The following PXDN variants were observed in gnomAD, a reference collection of about 807,000 sequenced individuals.
PXDN encodes the protein peroxidasin, also known as peroxidasin homolog.
Under a neutral mutation model 140.3 loss-of-function variants are expected in PXDN, and 77 were observed. The ratio of observed to expected loss-of-function variants is 0.55; its 90% CI spans 0.46 to 0.66. The LOEUF (loss-of-function observed/expected upper bound fraction) is 0.66, where lower values mean the gene tolerates loss of function less well. Among genes scored for constraint, PXDN ranks in the 30% least tolerant of loss-of-function variants. The pLI is 0.00. For synonymous variants in PXDN, 911 were observed against 857.4 expected, an observed-to-expected ratio of 1.06 and a Z score of -1.09; for missense variants, 1,838 against 2,039.5, an observed-to-expected ratio of 0.90 and a Z score of 1.90.
In PXDN at chr2:1,649,723, T is replaced by G. The variant is rs764042026; in HGVS notation, c.2105-48A>C. 17 of 1,598,768 alleles carry G rather than the reference T, an allele frequency of 1.1e-5. No individual in the cohort carries two copies. The highest frequency in any genetic ancestry group is 1.4e-5 in the Non-Finnish European group (16 of 1,167,420). ...ACGCACTCAATTCCCCTGGAGGATG[T>G]GTGAGGGCCCGGTACCCCTTGGCAC... On this transcript the variant is annotated intron_variant, in intron 16 of 22. Coordinates refer to ENST00000252804, the MANE Select transcript of PXDN (RefSeq NM_012293.3). The surrounding 1 kb of genome is among the most constrained non-coding windows in gnomAD (Gnocchi z 7.1).
chr2:1,653,177 G>A (rs1172703397), intron 16 of PXDN: 1 of 284,484 alleles, frequency 3.5e-6, no homozygotes, highest in African/African-American at 2.2e-5. Flanking sequence ...CCAGCCCGAG[G>A]TGATCTCATC....
At chr2:1,742,244 G>C (rs1167644908) in intron 1 of PXDN, among the ~76,000 whole-genome samples, 2 of 152,224 alleles carry the variant, frequency 1.3e-5, no homozygotes, top group Admixed American at 1.3e-4. Flanking sequence ...CTCCAGTAAA[G>C]TGTTTAGTTC....
At position 1,639,743 on chromosome 2, in the gene PXDN, G is replaced by A. The variant is rs114971405; in HGVS notation, c.3953-321C>T. On this transcript the variant is annotated intron_variant, in intron 19 of 22. Transcript: ENST00000252804. The surrounding 1 kb of genome is among the most constrained non-coding windows in gnomAD (Gnocchi z 5.0). Reference sequence around the variant, plus strand: ...CCCTCCACCCACAGATGGAGGCTCAGGCACTCTGCCTCGGAGATCAGAGTC... The same window carrying A: ...CCCTCCACCCACAGATGGAGGCTCAAGCACTCTGCCTCGGAGATCAGAGTC... Among the ~76,000 whole-genome samples, 1,864 of 152,322 alleles carry A rather than the reference G, an allele frequency of 0.012. 32 individuals carry two copies. Among genetic ancestry groups the A allele is most frequent in the African/African-American group, 0.043 (1,772 of 41,566 alleles).
chr2:1,664,035 CG>C, intron 11 of PXDN: 1 of 424,528 alleles, frequency 2.4e-6, no homozygotes, highest in South Asian at 3.7e-5. Context: ...CATGGGGACT[CG>C]GGGAGTCAGA....
rs1489461520 is a variant in PXDN at position 1,632,971 on chromosome 2, C to T, written c.*1233G>A. ...GAAAGGTTGCTCAGAACACAGATCGCTTTGTATTTAGAGAAAAATGGAAGG... is the reference window on the plus strand; with the variant it reads ...GAAAGGTTGCTCAGAACACAGATCGTTTTGTATTTAGAGAAAAATGGAAGG... On this transcript the variant is annotated 3_prime_UTR_variant, in exon 23 of 23. Transcript: ENST00000252804. The surrounding 1 kb of genome is among the most constrained non-coding windows in gnomAD (Gnocchi z 4.3). The T allele has an allele frequency of 6.6e-6, 1 of 152,516 alleles. No individual in the cohort carries two copies. Among genetic ancestry groups the T allele is most frequent in the African/African-American group, 2.4e-5 (1 of 41,422 alleles). 9.4% of individuals were successfully genotyped at this position (152,516 alleles called of 1,614,324 possible).
chr2:1,741,369 G>A (rs1685539288), intron 1 of PXDN, among the ~76,000 whole-genome samples: 1 of 152,194 alleles, frequency 6.6e-6, no homozygotes, highest in African/African-American at 2.4e-5. Context: ...GGCCTCCAGA[G>A]GGGAGGCGCT....
At chr2:1,726,862 T>G (rs988051611) in intron 1 of PXDN, among the ~76,000 whole-genome samples, 4 of 152,194 alleles carry the variant, frequency 2.6e-5, no homozygotes, top group Non-Finnish European at 5.9e-5. Context: ...TCCGTAATTC[T>G]TAGCAAAGAC....
chr2:1,648,986 G>A lies in PXDN; in HGVS notation c.2794C>T (p.His932Tyr), dbSNP rs1400012818. 6.2e-7 allele frequency: 1 copy of A among 1,611,004 alleles called. No homozygotes were observed. Among genetic ancestry groups the A allele is most frequent in the Admixed American group, 1.7e-5 (1 of 59,938 alleles). The change falls in exon 17 of 23, where the codon CAC becomes TAC. Residue 932 changes from histidine (H) to tyrosine (Y), a missense_variant. Transcript: ENST00000252804. The surrounding 1 kb of genome is among the most constrained non-coding windows in gnomAD (Gnocchi z 8.9). ...EARSIRDLAS[H>Y]RGLLRQGIVQ... ...ATGCCCTGCCGCAGCAGGCCGCGGT[G>A]GCTGGCCAGGTCGCGGATGCTGCGG...
chr2:1,683,701 T>C lies in PXDN; in HGVS notation c.515A>G (p.His172Arg). The C allele has an allele frequency of 1.2e-6, 2 of 1,607,154 alleles. No individual in the cohort carries two copies. Among genetic ancestry groups the C allele is most frequent in the Non-Finnish European group, 1.7e-6 (2 of 1,177,786 alleles). The change falls in exon 6 of 23, where the codon CAT (histidine) becomes CGT (arginine). Residue 172 changes from histidine (H) to arginine (R), a missense_variant. His to Arg is a conservative substitution (Grantham distance 29). Coordinates refer to ENST00000252804, the MANE Select transcript of PXDN (RefSeq NM_012293.3). ...GTGATTAAATGTCCCTGGAACTAAA[T>C]GTGTAATCCGGTTGTTATGCAAAAA... ...RLFLHNNRITHLVPGTFNHLE... is the reference protein window; with the variant it reads ...RLFLHNNRITRLVPGTFNHLE...
intron 9 of PXDN, among the ~76,000 whole-genome samples, chr2:1,670,809 C>T (rs1051678860): frequency 1.3e-5 from 2 of 152,212 alleles, no homozygotes; most frequent in African/African-American, 4.8e-5. Context: ...CCCCACAGTG[C>T]TGTGCCCTCG....
Position 1,643,501 on chromosome 2 carries a change from G to A in PXDN, c.3819C>T (p.Ile1273=). Residue 1273 remains isoleucine, a synonymous_variant, in exon 19 of 23, where the codon ATC becomes ATT. Transcript: ENST00000252804. ...TQIKQTSLAR[I]LCDNADNITR... ...TGATGTTGTCCGCGTTGTCGCATAG[G>A]ATCCTGGCCAGCGACGTCTGCTTGA... 1.2e-6 allele frequency: 2 copies of A among 1,613,972 alleles called. No individual in the cohort carries two copies. Among genetic ancestry groups the A allele is most frequent in the Non-Finnish European group, 1.7e-6 (2 of 1,179,902 alleles).
chr2:1,674,857 C>T (rs1683659431), intron 8 of PXDN, among the ~76,000 whole-genome samples: 2 of 152,130 alleles, frequency 1.3e-5, no homozygotes, highest in African/African-American at 4.8e-5. Context: ...AGATTCATCA[C>T]CTTCCACGCG....
intron 1 of PXDN, among the ~76,000 whole-genome samples, chr2:1,698,696 C>T (rs890287930): frequency 5.3e-5 from 8 of 152,106 alleles, no homozygotes; most frequent in African/African-American, 1.4e-4. Flanking sequence ...GTTAATCCTC[C>T]CTGGTAGAAT....
chr2:1,689,107 G>C (rs1228495102), intron 3 of PXDN, among the ~76,000 whole-genome samples: 1 of 151,956 alleles, frequency 6.6e-6, no homozygotes, highest in African/African-American at 2.4e-5. Context: ...TACTTCTCTA[G>C]GCCGCATACG....
Position 1,649,565 on chromosome 2 carries a change from G to T in PXDN, c.2215C>A (p.Gln739Lys), listed in dbSNP as rs759252951. 3 of 1,613,918 alleles carry T rather than the reference G, an allele frequency of 1.9e-6. No individual in the cohort carries two copies. Among genetic ancestry groups the T allele is most frequent in the African/African-American group, 2.7e-5 (2 of 74,938 alleles). The change falls in exon 17 of 23, where the codon CAG (glutamine) becomes AAG (lysine). Residue 739 changes from glutamine to lysine, a missense_variant. Physicochemically the swap from Gln to Lys is moderately conservative, Grantham distance 53. Transcript: ENST00000252804. This position sits in a 1 kb window ranked among gnomAD's most constrained non-coding sequence, Gnocchi z 7.1. ...VNNCSDMCFH[Q>K]KYRTHDGTCN... ...GTGCCGTCGTGCGTCCGGTACTTCT[G>T]GTGGAAGCACATGTCCGAGCAGTTG... is the stretch of plus-strand genomic sequence containing the variant.
Position 1,663,588 on chromosome 2 carries a change from A to T in PXDN, c.1567+17T>A, listed in dbSNP as rs780498193. 1.2e-5 allele frequency: 19 copies of T among 1,613,254 alleles called. No individual in the cohort carries two copies. Among genetic ancestry groups the T allele is most frequent in the Non-Finnish European group, 1.6e-5 (19 of 1,179,536 alleles). On this transcript the variant is annotated intron_variant, in intron 12 of 22. Coordinates refer to ENST00000252804, the MANE Select transcript of PXDN (RefSeq NM_012293.3). ...ATCTGAGAAAATCAATTCAGTCCAC[A>T]ACCTCCTGGCACCTACCTCTGGGCT...
rs763932436 is a variant in PXDN, at chr2:1,635,452, T to C, written c.4276A>G (p.Asn1426Asp). 8.1e-6 allele frequency: 13 copies of C among 1,602,386 alleles called. No individual in the cohort carries two copies. In the South Asian group the frequency reaches 1.4e-4, roughly 17 times the overall value. Residue 1426 changes from asparagine (N) to aspartate (D), a missense_variant, in exon 22 of 23, where the codon AAC becomes GAC. Asn to Asp is a conservative substitution (Grantham distance 23). Around this residue, in one of 5 missense-constraint regions of PXDN, gnomAD observed 850 missense variants for 894.1 expected, o/e 0.95. Coordinates refer to ENST00000252804, the MANE Select transcript of PXDN (RefSeq NM_012293.3). ...VDAGGESHAN[N>D]TKWKKDACTI... ...CATGCATCTTTTTTCCACTTGGTGT[T>C]GTTGGCGTGAGATTCGCCCCCGGCA...
Position 1,666,415 on chromosome 2 carries a change from T to C in PXDN, c.1090A>G (p.Ser364Gly). The C allele has an allele frequency of 1.2e-6, 2 of 1,613,802 alleles. No individual in the cohort carries two copies. The highest frequency in any genetic ancestry group is 1.1e-5 in the South Asian group (1 of 91,026). ...CGCGGCGGGGGGTGGCCTGTGGCGC[T>C]GCACTCCAGCGTGACGCTCTCCCCA... is the stretch of plus-strand genomic sequence containing the variant. The part of the protein sequence containing the change: ...LVGESVTLEC[S>G]ATGHPPPRIS... Residue 364 changes from serine to glycine, a missense_variant, in exon 10 of 23, where the codon AGC becomes GGC. Ser to Gly is a moderately conservative substitution (Grantham distance 56). Coordinates refer to ENST00000252804, the MANE Select transcript of PXDN (RefSeq NM_012293.3).
Position 1,647,354 on chromosome 2 carries a change from GCAC to G in PXDN, c.3608+815_3608+817del, listed in dbSNP as rs1558487601. On this transcript the variant is annotated intron_variant, in intron 17 of 22. Transcript: ENST00000252804. The stretch of plus-strand genomic sequence containing the variant: ...CTGAGTTAATGAGAACCCCACTGTG[GCAC>G]CGAGTCCTGGGAAGGGGACTGGCTA... Among the ~76,000 whole-genome samples the G allele has an allele frequency of 4.9e-3, 743 of 152,310 alleles. 6 individuals carry two copies. The highest frequency in any genetic ancestry group is 0.017 in the African/African-American group (713 of 41,544).
Sources: allele counts gnomAD v4.1 joint callset (sites outside exome capture counted in the v4.1 genomes callset), GRCh38; gene constraint gnomAD v4.1.1; regional missense constraint gnomAD v4.1.1; non-coding constraint Gnocchi (gnomAD v3.1); transcripts MANE v1.5; gene names NCBI Gene and HGNC (gene_info 2026-07-23, HGNC 2026-07-21).